TDRD3: variants seen among roughly 807,000 people sequenced by gnomAD.
TDRD3 encodes the protein tudor domain-containing protein 3.
In TDRD3, 45 loss-of-function variants were observed where a neutral mutation model predicts 86.7. The ratio of observed to expected loss-of-function variants is 0.52; its 90% CI spans 0.41 to 0.67. The LOEUF (loss-of-function observed/expected upper bound fraction) is 0.67, where lower values mean the gene tolerates loss of function less well. Among genes scored for constraint, TDRD3 ranks in the 30% least tolerant of loss-of-function variants. The probability of loss-of-function intolerance (pLI) is 0.00; values close to 1 mark genes in which losing one functional copy is unlikely to be tolerated. For synonymous variants in TDRD3, 298 were observed against 301.7 expected (o/e 0.99, Z 0.13); for missense variants, 814 against 889.0 (o/e 0.92, Z 1.07).
chr13:60,496,287 CCATA>C (rs1566243482), intron 8 of TDRD3, among the ~76,000 whole-genome samples: 7 of 57,514 alleles, frequency 1.2e-4, no homozygotes, highest in East Asian at 6.5e-4. Context: ...TAACAAACTC[CCATA>C]TATATATATA....
chr13:60,428,847 A>G lies in TDRD3; in HGVS notation c.42-10841A>G, dbSNP rs577007736. On this transcript the variant is annotated intron_variant, in intron 1 of 13. Transcript: ENST00000377881. ...TAATTTTCTTCTTTGAAGAGTCTGG[A>G]GTTTAAGCAGATAAGGGAGTATCAG... Among the ~76,000 whole-genome samples, 4 of 152,252 alleles carry G rather than the reference A, an allele frequency of 2.6e-5. No homozygotes were observed. The South Asian group carries it at 8.3e-4, about 32-fold the overall frequency.
At chr13:60,474,383 C>T (rs1055400641) in intron 5 of TDRD3, among the ~76,000 whole-genome samples, 13 of 152,308 alleles carry the variant, frequency 8.5e-5, no homozygotes, top group African/African-American at 3.1e-4. Flanking sequence ...CCCCCCCGGG[C>T]CCAGCTGTCC....
chr13:60,514,119 GGTCTCA>G (rs571283523), intron 10 of TDRD3, among the ~76,000 whole-genome samples: 22 of 152,270 alleles, frequency 1.4e-4, no homozygotes, highest in African/African-American at 5.3e-4. Flanking sequence ...AGGCTGAGGT[GGTCTCA>G]GATGGAGATG....
chr13:60,397,988 G>A (rs1227607943), intron 1 of TDRD3, among the ~76,000 whole-genome samples: 2 of 152,210 alleles, frequency 1.3e-5, no homozygotes, highest in Non-Finnish European at 2.9e-5. Context: ...CACAACTTCT[G>A]GAGCTAAGAA....
chr13:60,492,020 G>T (rs1005842878), intron 7 of TDRD3, among the ~76,000 whole-genome samples: 6 of 152,098 alleles, frequency 3.9e-5, no homozygotes, highest in African/African-American at 1.2e-4. Context: ...AAAAGATGTG[G>T]CTCATAAAGG....
At chr13:60,409,877 G>A (rs1178145583) in intron 1 of TDRD3, among the ~76,000 whole-genome samples, 7 of 152,180 alleles carry the variant, frequency 4.6e-5, no homozygotes, top group Non-Finnish European at 1.0e-4. Flanking sequence ...GGAGGGGCCA[G>A]GGTTGGAATG....
intron 1 of TDRD3, among the ~76,000 whole-genome samples, chr13:60,425,605 A>G (rs939001750): frequency 6.6e-6 from 1 of 152,200 alleles, no homozygotes; most frequent in Non-Finnish European, 1.5e-5. Context: ...TATGGAAACA[A>G]TCTAATGTCC....
intron 2 of TDRD3, among the ~76,000 whole-genome samples, chr13:60,443,743 G>A (rs939630032): frequency 6.6e-6 from 1 of 151,926 alleles, no homozygotes; most frequent in South Asian, 2.1e-4. Context: ...TGCACTTTAA[G>A]TCTGTTTTCT....
chr13:60,538,656 C>T (rs2065134201), intron 12 of TDRD3, among the ~76,000 whole-genome samples: 1 of 151,958 alleles, frequency 6.6e-6, no homozygotes, highest in Non-Finnish European at 1.5e-5. Flanking sequence ...TATGAGAAAA[C>T]ATTAGGGGCA....
intron 12 of TDRD3, among the ~76,000 whole-genome samples, chr13:60,557,048 T>C (rs1958204061): frequency 6.6e-6 from 1 of 151,436 alleles, no homozygotes; most frequent in South Asian, 2.1e-4. Flanking sequence ...CTACTAAAAA[T>C]ACAAAAAATT....
intron 1 of TDRD3, among the ~76,000 whole-genome samples, chr13:60,411,058 G>A (rs1341840): frequency 0.75 from 113,587 of 152,052 alleles, 43,471 homozygotes; most frequent in African/African-American, 0.82. Flanking sequence ...TTAGTGCAAA[G>A]TGGCCACCCA....
At chr13:60,493,145 C>A (rs908685121) in intron 7 of TDRD3, among the ~76,000 whole-genome samples, 4 of 151,598 alleles carry the variant, frequency 2.6e-5, no homozygotes, top group African/African-American at 4.8e-5. Flanking sequence ...GTCTCGATCT[C>A]CTGACCTCGT....
At chr13:60,547,947 G>T (rs1206620949) in intron 12 of TDRD3, among the ~76,000 whole-genome samples, 1 of 152,138 alleles carries the variant, frequency 6.6e-6, no homozygotes, top group East Asian at 1.9e-4. Context: ...TGAGGAGAAA[G>T]ATTTTGGCAG....
chr13:60,533,629 C>T (rs983712379), intron 11 of TDRD3, among the ~76,000 whole-genome samples: 6 of 149,798 alleles, frequency 4.0e-5, no homozygotes, highest in East Asian at 1.9e-4. Context: ...TGACAGAGGA[C>T]GACTCTGTCT....
intron 1 of TDRD3, among the ~76,000 whole-genome samples, chr13:60,398,235 G>A (rs1369344208): frequency 1.3e-5 from 2 of 152,210 alleles, no homozygotes; most frequent in Non-Finnish European, 2.9e-5. Context: ...TAGGAACGGG[G>A]ATGAAAAAGA....
At position 60,529,152 on chromosome 13, in the gene TDRD3, A is replaced by G. The variant is rs752646678; in HGVS notation, c.1927A>G (p.Met643Val). ...AAAAATACTAGAATCATCTATTCCT[A>G]TGGAGTATGCAAAAATGTGGAAACC... ...PEKILESSIPMEYAKMWKPGD... is the reference protein window; with the variant it reads ...PEKILESSIPVEYAKMWKPGD... The change falls in exon 11 of 14, where the codon ATG becomes GTG. Residue 643 changes from methionine (M) to valine (V), a missense_variant. By Grantham distance (21) the Met-to-Val change is conservative. Transcript: ENST00000377881. 3.1e-6 allele frequency: 5 copies of G among 1,612,346 alleles called. No homozygotes were observed. Among genetic ancestry groups the G allele is most frequent in the East Asian group, 2.2e-5 (1 of 44,870 alleles).
At chr13:60,543,448 A>G (rs1957863028) in intron 12 of TDRD3, among the ~76,000 whole-genome samples, 1 of 152,154 alleles carries the variant, frequency 6.6e-6, no homozygotes, top group Non-Finnish European at 1.5e-5. Context: ...AATCTCCAAG[A>G]GAGATATATA....
chr13:60,477,390 T>C (rs1015727990), intron 5 of TDRD3, among the ~76,000 whole-genome samples: 1 of 151,980 alleles, frequency 6.6e-6, no homozygotes, highest in Non-Finnish European at 1.5e-5. Flanking sequence ...AATTTTTAAA[T>C]TTTTTATAGA....
intron 13 of TDRD3, among the ~76,000 whole-genome samples, chr13:60,571,769 G>C (rs1958591132): frequency 6.6e-6 from 1 of 152,070 alleles, no homozygotes; most frequent in African/African-American, 2.4e-5. Flanking sequence ...TCATTGTGGT[G>C]AGAGAACTGG....
Sources: gnomAD v4.1 joint callset for allele counts (sites outside exome capture counted in the v4.1 genomes callset) on GRCh38, gnomAD v4.1.1 for gene constraint, MANE v1.5 for transcripts, NCBI Gene and HGNC (gene_info 2026-07-23, HGNC 2026-07-21) for gene names.